TECTA: variants seen among roughly 807,000 people sequenced by gnomAD.
TECTA encodes the protein alpha-tectorin.
TECTA carries 128 observed loss-of-function variants against 216.8 expected under a neutral mutation model. The observed-to-expected ratio is 0.59, with a 90% CI of 0.51 to 0.68. TECTA has a LOEUF of 0.68. Ranked by LOEUF, TECTA falls within the 30% of genes least tolerant of loss-of-function variation. The probability of loss-of-function intolerance (pLI) is 0.00; values close to 1 mark genes in which losing one functional copy is unlikely to be tolerated. For synonymous variants in TECTA, 1,089 were observed against 1,117.1 expected (o/e 0.97, Z 0.50); for missense variants, 2,551 against 2,786.2 (o/e 0.92, Z 1.90).
chr11:121,173,384 AT>A (rs1307386871), intron 20 of TECTA, among the ~76,000 whole-genome samples: 1 of 144,830 alleles, frequency 6.9e-6, no homozygotes, highest in Non-Finnish European at 1.5e-5. Context: ...TAAGGAAGGG[AT>A]CCAGTTTCAG....
At chr11:121,165,694 G>A (rs887597518) in intron 17 of TECTA, among the ~76,000 whole-genome samples, 6 of 152,190 alleles carry the variant, frequency 3.9e-5, no homozygotes, top group Non-Finnish European at 8.8e-5. Flanking sequence ...ATGCCAATAT[G>A]AAATAATTAG....
At chr11:121,128,793 C>T (rs1591444753) in intron 9 of TECTA, among the ~76,000 whole-genome samples, 1 of 152,202 alleles carries the variant, frequency 6.6e-6, no homozygotes, top group South Asian at 2.1e-4. Context: ...TTGCACCCTA[C>T]TAACTCCCCT....
In TECTA at chr11:121,189,167, A is replaced by T. The variant is rs1565542285; in HGVS notation, c.6250A>T (p.Arg2084Trp). 1 of 1,613,844 alleles carries T rather than the reference A, an allele frequency of 6.2e-7. No homozygotes were observed. Among genetic ancestry groups the T allele is most frequent in the South Asian group, 1.1e-5 (1 of 91,076 alleles). ...IISVGPIRRKRLDWCEDNGGC... is the reference protein window; with the variant it reads ...IISVGPIRRKWLDWCEDNGGC... ...TTCAGTGGGACCTATTAGGAGAAAAAGTATGTATGTTCCCTAAAACACACC... is the reference window on the plus strand; with the variant it reads ...TTCAGTGGGACCTATTAGGAGAAAATGTATGTATGTTCCCTAAAACACACC... The change falls in exon 22 of 24, where the codon AGG (arginine) becomes TGG (tryptophan). Residue 2084 changes from arginine (R) to tryptophan (W), a missense_variant and splice_region_variant. Arg to Trp is a moderately radical substitution (Grantham distance 101, BLOSUM62 -3). Coordinates refer to ENST00000392793, the MANE Select transcript of TECTA (RefSeq NM_005422.4).
At chr11:121,166,886 T>A in intron 18 of TECTA, 106 bp downstream of exon 18, 5 of 1,330,848 alleles carry the variant, frequency 3.8e-6, no homozygotes, top group Non-Finnish European at 4.2e-6. Context: ...TGCTTAGAAA[T>A]ATGCTCCTTA....
chr11:121,158,009 G>T lies in TECTA; in HGVS notation c.4474G>T (p.Gly1492Cys). 1 of 1,612,886 alleles carries T rather than the reference G, an allele frequency of 6.2e-7. No homozygotes were observed. The highest frequency in any genetic ancestry group is 8.5e-7 in the Non-Finnish European group (1 of 1,179,940). The change falls in exon 14 of 24, where the codon GGC becomes TGC. Residue 1492 changes from glycine (G) to cysteine (C), a missense_variant. This residue lies in a region of TECTA where 2,375 missense variants were observed against 2,563.9 expected (regional missense o/e 0.93). Coordinates refer to ENST00000392793, the MANE Select transcript of TECTA (RefSeq NM_005422.4). The part of the protein sequence containing the change: ...TKTSYCLAAG[G>C]GVFRTFDGAF... ...GACCTCCTACTGCCTGGCGGCCGGC[G>T]GCGGCGTCTTCCGCACCTTCGACGG...
chr11:121,189,467 G>A (rs954980548), intron 22 of TECTA, among the ~76,000 whole-genome samples: 17 of 151,662 alleles, frequency 1.1e-4, no homozygotes, highest in Non-Finnish European at 2.1e-4. Context: ...TCCGCCTCCC[G>A]GGTTCACGCC....
chr11:121,141,715 C>T (rs1946786163), intron 11 of TECTA, among the ~76,000 whole-genome samples: 1 of 152,106 alleles, frequency 6.6e-6, no homozygotes, highest in East Asian at 1.9e-4. Context: ...AGTCAGGTGG[C>T]CATCAGAGAA....
At chr11:121,154,620 G>A (rs934247618) in intron 13 of TECTA, among the ~76,000 whole-genome samples, 3 of 152,204 alleles carry the variant, frequency 2.0e-5, no homozygotes, top group African/African-American at 7.2e-5. Context: ...GAGTGTCAGT[G>A]TGGCATAATT....
intron 20 of TECTA, among the ~76,000 whole-genome samples, chr11:121,182,132 A>G (rs1231705026): frequency 6.6e-6 from 1 of 152,056 alleles, no homozygotes; most frequent in East Asian, 1.9e-4. Flanking sequence ...CAGGCTAGGC[A>G]TGCCAGCTTT....
intron 14 of TECTA, 128 bp from the exon 15 acceptor site, chr11:121,160,007 G>A (rs976823340): frequency 1.0e-6 from 1 of 1,001,570 alleles, no homozygotes; most frequent in South Asian, 1.4e-5. Context: ...TGCAGGGACA[G>A]AATGGAGTCG....
At chr11:121,184,111 G>A (rs1447896299) in intron 20 of TECTA, among the ~76,000 whole-genome samples, 3 of 152,152 alleles carry the variant, frequency 2.0e-5, no homozygotes, top group African/African-American at 7.2e-5. Flanking sequence ...TCTTAAAGCA[G>A]GTGAATGTAT....
chr11:121,109,746 A>G, intron 4 of TECTA: 1 of 513,442 alleles, frequency 1.9e-6, no homozygotes, highest in South Asian at 2.1e-5. Context: ...CCTAAAAAAA[A>G]ACCCTCAAAA....
chr11:121,141,777 T>C (rs567325408), intron 11 of TECTA, among the ~76,000 whole-genome samples: 19 of 152,374 alleles, frequency 1.2e-4, no homozygotes, highest in Middle Eastern at 3.4e-3. Context: ...TGAGCTTGTA[T>C]TGATGTCTGT....
At chr11:121,155,394 T>C (rs1946931378) in intron 13 of TECTA, among the ~76,000 whole-genome samples, 1 of 152,204 alleles carries the variant, frequency 6.6e-6, no homozygotes, top group Non-Finnish European at 1.5e-5. Flanking sequence ...TCTATAAATC[T>C]GATAAGAGAA....
At chr11:121,108,967 G>A (rs1280540117) in intron 3 of TECTA, among the ~76,000 whole-genome samples, 1 of 152,184 alleles carries the variant, frequency 6.6e-6, no homozygotes, top group African/African-American at 2.4e-5. Flanking sequence ...ACATGAAAAT[G>A]AGACTGATTA....
intron 19 of TECTA, 180 bp from the exon 20 acceptor site, chr11:121,168,497 T>TTA: frequency 1.0e-6 from 1 of 973,988 alleles, no homozygotes; most frequent in East Asian, 2.6e-5. Flanking sequence ...TTATTTAATT[T>TTA]CATTTCATTT....
chr11:121,124,136 T>C (rs903817014), intron 7 of TECTA, among the ~76,000 whole-genome samples: 5 of 152,166 alleles, frequency 3.3e-5, no homozygotes, highest in African/African-American at 1.2e-4. Flanking sequence ...CTGACATGAG[T>C]TTTACTCATT....
chr11:121,136,286 G>C (rs551093595), intron 10 of TECTA, among the ~76,000 whole-genome samples: 63 of 152,226 alleles, frequency 4.1e-4, no homozygotes, highest in African/African-American at 7.2e-5. Flanking sequence ...TTCAAGGAAG[G>C]CTTCTGGGAA....
intron 14 of TECTA, 43 bp downstream of exon 14, chr11:121,158,267 A>C (rs1241122209): frequency 4.4e-6 from 7 of 1,604,368 alleles, no homozygotes; most frequent in Non-Finnish European, 5.9e-6. Context: ...GCCCGGAAAC[A>C]AGGGGTTGGC....
Sources: gnomAD v4.1 joint callset for allele counts (sites outside exome capture counted in the v4.1 genomes callset) on GRCh38, gnomAD v4.1.1 for gene constraint, gnomAD v4.1.1 regional missense constraint, MANE v1.5 for transcripts, NCBI Gene and HGNC (gene_info 2026-07-23, HGNC 2026-07-21) for gene names.